The following PCDH15 variants were observed in gnomAD, a reference collection of about 807,000 sequenced individuals.
PCDH15 encodes protocadherin-15.
Under a neutral mutation model 178.5 loss-of-function variants are expected in PCDH15, and 129 were observed. That is an observed-to-expected ratio of 0.72 (90% CI 0.63 to 0.84). PCDH15 has a LOEUF of 0.84. PCDH15 is among the 40% of genes least tolerant of loss of function. PCDH15 has a pLI of 0.00. For missense variants in PCDH15, 2,230 were observed against 2,099.9 expected, an observed-to-expected ratio of 1.06 and a Z score of -1.21; for synonymous variants, 800 against 732.0, an observed-to-expected ratio of 1.09 and a Z score of -1.50.
At chr10:54,024,390 C>T (rs1310313747) in intron 18 of PCDH15, among the ~76,000 whole-genome samples, 1 of 152,072 alleles carries the variant, frequency 6.6e-6, no homozygotes, top group African/African-American at 2.4e-5. Flanking sequence ...AAAAATCACT[C>T]GAGGTCCATA....
intron 1 of PCDH15, among the ~76,000 whole-genome samples, chr10:55,296,544 A>G (rs1843136480): frequency 6.6e-6 from 1 of 152,176 alleles, no homozygotes; most frequent in Non-Finnish European, 1.5e-5. Flanking sequence ...AAGACCAAGT[A>G]TTATAACAAA....
intron 2 of PCDH15, among the ~76,000 whole-genome samples, chr10:55,352,065 C>T (rs1844952051): frequency 6.6e-6 from 1 of 152,012 alleles, no homozygotes; most frequent in Non-Finnish European, 1.5e-5. Context: ...CAGTGAAAAT[C>T]GGAGCTGAAA....
intron 25 of PCDH15, among the ~76,000 whole-genome samples, chr10:53,912,490 G>T (rs947849136): frequency 1.3e-5 from 2 of 152,164 alleles, no homozygotes; most frequent in African/African-American, 4.8e-5. Flanking sequence ...GTTAGCAAAA[G>T]AGGAAGTCAA....
chr10:54,153,643 C>A (rs987478883), intron 13 of PCDH15, among the ~76,000 whole-genome samples: 3 of 152,070 alleles, frequency 2.0e-5, no homozygotes, highest in Non-Finnish European at 4.4e-5. Context: ...TCCTGTCTTG[C>A]CTTGCATTCT....
At position 54,045,927 on chromosome 10, in the gene PCDH15, A is replaced by G. The variant is rs530483784; in HGVS notation, c.2220+20830T>C. 3.9e-5 allele frequency among the ~76,000 whole-genome samples: 6 copies of G among 152,270 alleles called. No individual in the cohort carries two copies. The South Asian group carries it at 1.2e-3, about 31-fold the overall frequency. ...CGAGAATGGGAGAAATGTTTGAAAC[A>G]TATATAACAAAGGAGGGGCTCATTT... On this transcript the variant is annotated intron_variant, in intron 18 of 37. Transcript: ENST00000644397.
intron 32 of PCDH15, chr10:53,823,076 G>T: frequency 6.2e-7 from 1 of 1,613,910 alleles, no homozygotes. Flanking sequence ...GTGAAAATGG[G>T]TCTACAAAAT....
Position 55,535,328 on chromosome 10 carries a change from T to G in PCDH15, c.-156+92297A>C, listed in dbSNP as rs184053518. ...TGAGGAACTGTAAATTTATAGAAAT[T>G]TAAAAAATGTGAGAATAAGATCACT... On this transcript the variant is annotated intron_variant, in intron 2 of 5. Coordinates refer to the PCDH15 transcript ENST00000613346. 2.0e-5 allele frequency among the ~76,000 whole-genome samples: 3 copies of G among 152,106 alleles called. No individual in the cohort carries two copies. In the East Asian group the frequency reaches 5.8e-4, roughly 29 times the overall value.
chr10:55,176,216 G>A (rs1325999953), intron 1 of PCDH15, among the ~76,000 whole-genome samples: 1 of 151,972 alleles, frequency 6.6e-6, no homozygotes, highest in Non-Finnish European at 1.5e-5. Context: ...GACCATGAGG[G>A]GTGTCTCAGG....
At chr10:55,259,204 A>C (rs993662096) in intron 1 of PCDH15, among the ~76,000 whole-genome samples, 1 of 152,310 alleles carries the variant, frequency 6.6e-6, no homozygotes, top group African/African-American at 2.4e-5. Flanking sequence ...GTTCAACACA[A>C]GAGTCTTTGC....
At chr10:54,941,101 C>A (rs1345691232) in intron 2 of PCDH15, among the ~76,000 whole-genome samples, 2 of 151,760 alleles carry the variant, frequency 1.3e-5, no homozygotes, top group African/African-American at 4.8e-5. Flanking sequence ...TTTTTCGCTT[C>A]TTTAATTTTC....
At chr10:55,354,711 G>C (rs1212674053) in intron 2 of PCDH15, among the ~76,000 whole-genome samples, 1 of 152,028 alleles carries the variant, frequency 6.6e-6, no homozygotes, top group Non-Finnish European at 1.5e-5. Context: ...TTCAGAACTA[G>C]AGAGCTTTTT....
intron 8 of PCDH15, among the ~76,000 whole-genome samples, chr10:54,270,047 C>G (rs540172228): frequency 6.9e-4 from 105 of 152,072 alleles, no homozygotes; most frequent in African/African-American, 2.4e-3. Flanking sequence ...TTTTAACACA[C>G]TGTACTAGGT....
intron 2 of PCDH15, among the ~76,000 whole-genome samples, chr10:54,577,790 T>C (rs2090642818): frequency 6.6e-6 from 1 of 151,866 alleles, no homozygotes; most frequent in Admixed American, 6.6e-5. Context: ...AGAAGAACAG[T>C]AGGTGAAGGA....
intron 15 of PCDH15, among the ~76,000 whole-genome samples, chr10:54,096,709 G>C (rs971415188): frequency 1.3e-5 from 2 of 152,050 alleles, no homozygotes; most frequent in Non-Finnish European, 2.9e-5. Flanking sequence ...CCATTCATGA[G>C]GACTCCACTC....
chr10:54,918,008 TGATTTTATTCAAAGCTTTTCTCCC>T lies in PCDH15; in HGVS notation c.-79-20532_-79-20509del, dbSNP rs1337133882. ...TCACTTACGATAGTGATTTTCTCCC[TGATTTTATTCAAAGCTTTTCTCCC>T]TCTCCATACTTTAAGTTTCTCATGA... On this transcript the variant is annotated intron_variant, in intron 2 of 5. Coordinates refer to the PCDH15 transcript ENST00000458638. 5.5e-4 allele frequency among the ~76,000 whole-genome samples: 5 copies of T among 9,092 alleles called. No individual in the cohort carries two copies. The East Asian group carries it at 0.016, about 29-fold the overall frequency. 6.0% of individuals were successfully genotyped at this position (9,092 alleles called of 152,430 possible). A position where few individuals can be genotyped will look rare whatever the true frequency, so the allele number is the denominator to read the frequency against.
chr10:55,625,779 T>A (rs1837513567), intron 2 of PCDH15, among the ~76,000 whole-genome samples: 1 of 152,086 alleles, frequency 6.6e-6, no homozygotes, highest in African/African-American at 2.4e-5. Flanking sequence ...ACACACACAC[T>A]CTCTCTCATA....
intron 1 of PCDH15, among the ~76,000 whole-genome samples, chr10:54,754,172 C>T (rs1231701897): frequency 9.0e-6 from 1 of 111,256 alleles, no homozygotes; most frequent in Non-Finnish European, 2.1e-5. Flanking sequence ...TTAGTAATTT[C>T]ATAGTGGTTT....
intron 8 of PCDH15, among the ~76,000 whole-genome samples, chr10:54,250,872 C>G (rs2056418455): frequency 6.6e-6 from 1 of 152,150 alleles, no homozygotes; most frequent in Admixed American, 6.5e-5. Flanking sequence ...AACAAAACTG[C>G]TTTCCTTGTA....
chr10:54,920,940 G>A (rs954810282), intron 2 of PCDH15, among the ~76,000 whole-genome samples: 2 of 152,078 alleles, frequency 1.3e-5, no homozygotes, highest in Non-Finnish European at 2.9e-5. Context: ...CATATCATTA[G>A]GAATAATAAA....
Sources: gnomAD v4.1 joint callset for allele counts (sites outside exome capture counted in the v4.1 genomes callset) on GRCh38, gnomAD v4.1.1 for gene constraint, MANE v1.5 for transcripts, NCBI Gene and HGNC (gene_info 2026-07-23, HGNC 2026-07-21) for gene names.